Variants in UNC5D observed in about 807,000 individuals in gnomAD.
UNC5D encodes unc-5 netrin receptor D, also known as netrin receptor UNC5D.
A neutral mutation model predicts 105.4 loss-of-function variants in UNC5D; 39 were observed. The ratio of observed to expected loss-of-function variants is 0.37; its 90% CI spans 0.29 to 0.48. The LOEUF is 0.48. Among genes scored for constraint, UNC5D ranks in the 20% least tolerant of loss-of-function variants. The probability of loss-of-function intolerance (pLI) is 0.98; values close to 1 mark genes in which losing one functional copy is unlikely to be tolerated. For missense variants in UNC5D, 991 were observed against 1,202.4 expected, an observed-to-expected ratio of 0.82 and a Z score of 2.60; for synonymous variants, 452 against 450.4, an observed-to-expected ratio of 1.00 and a Z score of -0.04.
intron 2 of UNC5D, among the ~76,000 whole-genome samples, chr8:35,553,781 C>T (rs544307121): frequency 1.3e-5 from 2 of 152,294 alleles, no homozygotes; most frequent in South Asian, 4.2e-4. Context: ...TGCATTACCT[C>T]CCTTGGGTTC....
chr8:35,389,696 A>G (rs1585730258), intron 1 of UNC5D, among the ~76,000 whole-genome samples: 2 of 149,220 alleles, frequency 1.3e-5, no homozygotes, highest in Non-Finnish European at 3.0e-5. Context: ...ACCATAGTTT[A>G]CCTCCTTAAT....
At chr8:35,417,282 A>C (rs1009763090) in intron 1 of UNC5D, among the ~76,000 whole-genome samples, 2 of 151,036 alleles carry the variant, frequency 1.3e-5, no homozygotes, top group African/African-American at 4.9e-5. Context: ...TTTACTTTCT[A>C]TCTCCATGAG....
chr8:35,725,849 C>T (rs1035004156), intron 9 of UNC5D, among the ~76,000 whole-genome samples: 3 of 152,198 alleles, frequency 2.0e-5, no homozygotes, highest in South Asian at 2.1e-4. Context: ...AACAATAATA[C>T]CTGAGTTCGT....
chr8:35,542,031 A>C (rs1436154135), intron 1 of UNC5D, among the ~76,000 whole-genome samples: 4 of 152,168 alleles, frequency 2.6e-5, no homozygotes, highest in Admixed American at 1.3e-4. Context: ...CTGCTCGATA[A>C]AGTAATATCT....
chr8:35,515,688 A>C (rs966101213), intron 1 of UNC5D, among the ~76,000 whole-genome samples: 3 of 152,226 alleles, frequency 2.0e-5, no homozygotes, highest in African/African-American at 2.4e-5. Context: ...CTGTCTCAAA[A>C]AACAAACAAA....
Position 35,726,538 on chromosome 8 carries a change from TAA to T in UNC5D, c.1681+10_1681+11del. Reference sequence around the variant, plus strand: ...AGTAATGCCAAATACAGGTGGGTGGTAAGTGTGTGTTTGTGTATTTTCCATCA... The same window carrying T: ...AGTAATGCCAAATACAGGTGGGTGGTGTGTGTGTTTGTGTATTTTCCATCA... On this transcript the variant is annotated intron_variant, in intron 10 of 16. Coordinates refer to ENST00000404895, the MANE Select transcript of UNC5D (RefSeq NM_080872.4). The T allele has an allele frequency of 6.2e-7, 1 of 1,608,952 alleles. No homozygotes were observed. The highest frequency in any genetic ancestry group is 1.3e-5 in the African/African-American group (1 of 75,008).
intron 3 of UNC5D, among the ~76,000 whole-genome samples, chr8:35,571,022 T>TAC (rs1817687540): frequency 2.0e-5 from 3 of 151,940 alleles, no homozygotes; most frequent in African/African-American, 7.3e-5. Context: ...AATATATATA[T>TAC]ACACATAGAG....
At chr8:35,548,971 C>T (rs1815904788) in intron 1 of UNC5D, among the ~76,000 whole-genome samples, 1 of 152,128 alleles carries the variant, frequency 6.6e-6, no homozygotes, top group South Asian at 2.1e-4. Context: ...AACCATTCAC[C>T]AGAGCCTCTC....
intron 1 of UNC5D, chr8:35,254,670 C>T (rs916177276): frequency 2.0e-5 from 3 of 152,174 alleles, no homozygotes; most frequent in Admixed American, 2.0e-4. Context: ...TGCTACTGTC[C>T]ATAGATCTTC....
At chr8:35,644,628 C>T (rs1016628910) in intron 4 of UNC5D, among the ~76,000 whole-genome samples, 3 of 152,170 alleles carry the variant, frequency 2.0e-5, no homozygotes, top group Non-Finnish European at 2.9e-5. Flanking sequence ...TCAGAGTGCT[C>T]ACTTTGTAAC....
At chr8:35,662,810 G>T (rs1218221630) in intron 4 of UNC5D, among the ~76,000 whole-genome samples, 2 of 152,154 alleles carry the variant, frequency 1.3e-5, no homozygotes, top group African/African-American at 4.8e-5. Flanking sequence ...TCAGTAGGTG[G>T]CCAGTTAGGT....
intron 1 of UNC5D, among the ~76,000 whole-genome samples, chr8:35,302,656 A>G (rs958682779): frequency 2.6e-5 from 4 of 152,208 alleles, no homozygotes; most frequent in Admixed American, 1.3e-4. Flanking sequence ...TTTTTGGAGA[A>G]CACATTAAAG....
At chr8:35,561,291 T>C (rs989052881) in intron 2 of UNC5D, among the ~76,000 whole-genome samples, 2 of 152,118 alleles carry the variant, frequency 1.3e-5, no homozygotes, top group Non-Finnish European at 2.9e-5. Context: ...CCCACTGACA[T>C]TATGCAAGCT....
intron 1 of UNC5D, among the ~76,000 whole-genome samples, chr8:35,514,676 T>G (rs2130390941): frequency 6.6e-6 from 1 of 152,364 alleles, no homozygotes; most frequent in Admixed American, 6.5e-5. Context: ...ATATTTTCTC[T>G]TTCCTTAGTG....
At position 35,726,323 on chromosome 8, in the gene UNC5D, C is replaced by G. The variant is rs772208121; in HGVS notation, c.1475C>G (p.Ser492Cys). 10 of 1,613,952 alleles carry G rather than the reference C, an allele frequency of 6.2e-6. No individual in the cohort carries two copies. The highest frequency in any genetic ancestry group is 8.5e-6 in the Non-Finnish European group (10 of 1,180,012). Residue 492 changes from serine (S) to cysteine (C), a missense_variant, in exon 10 of 17, where the codon TCC (serine) becomes TGC (cysteine). This residue lies in a region of UNC5D where 944 missense variants were observed against 1,131.6 expected (regional missense o/e 0.83). Coordinates refer to ENST00000404895, the MANE Select transcript of UNC5D (RefSeq NM_080872.4). ...KVKVQSSFMV[S>C]LGVSERAEYH... ...AAAGTCCAGAGCTCGTTCATGGTTT[C>G]CCTGGGAGTGTCTGAGAGAGCTGAG...
intron 1 of UNC5D, among the ~76,000 whole-genome samples, chr8:35,350,661 A>G (rs1812174333): frequency 6.6e-6 from 1 of 152,078 alleles, no homozygotes; most frequent in Admixed American, 6.6e-5. Flanking sequence ...TGGCATAATA[A>G]TTTAGAAACA....
At chr8:35,315,852 T>G (rs1585566179) in intron 1 of UNC5D, among the ~76,000 whole-genome samples, 1 of 152,158 alleles carries the variant, frequency 6.6e-6, no homozygotes, top group Admixed American at 6.5e-5. Context: ...TCTTACCCAT[T>G]GTGCTCTGTG....
rs879401372 is a variant in UNC5D at position 35,532,407 on chromosome 8, G to A, written c.104-16885G>A. On this transcript the variant is annotated intron_variant, in intron 1 of 16. Coordinates refer to ENST00000404895, the MANE Select transcript of UNC5D (RefSeq NM_080872.4). Reference sequence around the variant, plus strand: ...TCTTCTGGCTTGTAGGGTTTCTGCCGAGAGATCCGCTGTTAGTCTGATGGG... The same window carrying A: ...TCTTCTGGCTTGTAGGGTTTCTGCCAAGAGATCCGCTGTTAGTCTGATGGG... Among the ~76,000 whole-genome samples the A allele has an allele frequency of 1.6e-3, 211 of 132,342 alleles. 2 individuals are homozygous for A. The highest frequency in any genetic ancestry group is 6.5e-3 in the South Asian group (24 of 3,678). The allele number at this position is 132,342 out of a possible 152,430, so 86.8% of individuals were successfully genotyped here.
At chr8:35,631,730 A>AT (rs1822055662) in intron 4 of UNC5D, among the ~76,000 whole-genome samples, 1 of 152,190 alleles carries the variant, frequency 6.6e-6, no homozygotes, top group Non-Finnish European at 1.5e-5. Context: ...TTCTTCACCC[A>AT]TAATATAAGG....
Sources: allele counts gnomAD v4.1 joint callset (sites outside exome capture counted in the v4.1 genomes callset), GRCh38; gene constraint gnomAD v4.1.1; regional missense constraint gnomAD v4.1.1; transcripts MANE v1.5; gene names NCBI Gene and HGNC (gene_info 2026-07-23, HGNC 2026-07-21).